The following ADAM12 variants were observed in gnomAD, a reference collection of about 807,000 sequenced individuals.
ADAM12 encodes ADAM metallopeptidase domain 12.
ADAM12 carries 70 observed loss-of-function variants against 106.4 expected under a neutral mutation model. That is an observed-to-expected ratio of 0.66 (90% CI 0.54 to 0.80). The LOEUF is 0.80. Ranked by LOEUF, ADAM12 falls within the 30% of genes least tolerant of loss-of-function variation. The pLI is 0.00. For synonymous variants in ADAM12, 420 were observed against 433.5 expected, an observed-to-expected ratio of 0.97 and a Z score of 0.39; for missense variants, 1,010 against 1,171.9, an observed-to-expected ratio of 0.86 and a Z score of 2.02.
At chr10:126,194,723 A>T (rs1309412778) in intron 3 of ADAM12, among the ~76,000 whole-genome samples, 1 of 152,272 alleles carries the variant, frequency 6.6e-6, no homozygotes, top group Middle Eastern at 3.2e-3. Flanking sequence ...AAAATTGCTC[A>T]TTCAGAGCTT....
chr10:126,092,568 T>C (rs1423895002), intron 11 of ADAM12, among the ~76,000 whole-genome samples: 1 of 152,236 alleles, frequency 6.6e-6, no homozygotes, highest in Admixed American at 6.5e-5. Context: ...TGTTAGTATC[T>C]TGAGTTTTGC....
At chr10:126,193,264 C>CAAAAAAAAAAAAA (rs757716875) in intron 3 of ADAM12, among the ~76,000 whole-genome samples, 3 of 26,608 alleles carry the variant, frequency 1.1e-4, no homozygotes, top group African/African-American at 1.7e-4. Flanking sequence ...GACTCCATCT[C>CAAAAAAAAAAAAA]AAAAAAAAAA....
At chr10:126,287,689 C>T (rs1185101655) in intron 2 of ADAM12, among the ~76,000 whole-genome samples, 1 of 151,970 alleles carries the variant, frequency 6.6e-6, no homozygotes, top group Non-Finnish European at 1.5e-5. Context: ...AAACATCTTC[C>T]CTGGGCCCTT....
intron 3 of ADAM12, among the ~76,000 whole-genome samples, chr10:126,214,545 A>C (rs1219459847): frequency 6.6e-6 from 1 of 152,228 alleles, no homozygotes; most frequent in Non-Finnish European, 1.5e-5. Context: ...GACTGGAAGC[A>C]GTGGCTGCCT....
chr10:126,086,680 A>AAATATATATATAT (rs1554966976), intron 11 of ADAM12, among the ~76,000 whole-genome samples: 4 of 24,278 alleles, frequency 1.6e-4, no homozygotes, highest in Non-Finnish European at 2.3e-4. Flanking sequence ...AAAAAAAAAA[A>AAATATATATATAT]ATATATATAT....
At chr10:126,177,042 GCACACACACACA>G (rs150341109) in intron 3 of ADAM12, among the ~76,000 whole-genome samples, 2 of 150,700 alleles carry the variant, frequency 1.3e-5, no homozygotes, top group Non-Finnish European at 3.0e-5. Flanking sequence ...GTGCACATGT[GCACACACACACA>G]CACGCACACA....
At chr10:126,292,941 C>T (rs934178414) in intron 2 of ADAM12, among the ~76,000 whole-genome samples, 4 of 152,168 alleles carry the variant, frequency 2.6e-5, no homozygotes, top group Non-Finnish European at 5.9e-5. Flanking sequence ...ATCATTGCGC[C>T]CACCTCAAGT....
At chr10:126,323,428 C>T (rs148370533) in intron 2 of ADAM12, among the ~76,000 whole-genome samples, 17 of 152,318 alleles carry the variant, frequency 1.1e-4, no homozygotes, top group African/African-American at 3.8e-4. Flanking sequence ...AGGTAGCATT[C>T]TATCAGCTAG....
At chr10:126,143,485 G>C (rs1956562586) in intron 4 of ADAM12, among the ~76,000 whole-genome samples, 1 of 151,334 alleles carries the variant, frequency 6.6e-6, no homozygotes, top group Admixed American at 6.6e-5. Flanking sequence ...TATATGGTGT[G>C]CATATATGTA....
At chr10:126,102,909 G>C (rs767701204) in intron 8 of ADAM12, among the ~76,000 whole-genome samples, 3 of 152,128 alleles carry the variant, frequency 2.0e-5, no homozygotes, top group Admixed American at 6.5e-5. Flanking sequence ...TATATACAAA[G>C]GTAACAGTGA....
At chr10:126,308,759 A>G (rs1326364930) in intron 2 of ADAM12, among the ~76,000 whole-genome samples, 1 of 152,212 alleles carries the variant, frequency 6.6e-6, no homozygotes, top group Non-Finnish European at 1.5e-5. Context: ...AAAACTGAAC[A>G]TCTCATCTCA....
At chr10:126,282,624 T>C (rs892942537) in intron 2 of ADAM12, among the ~76,000 whole-genome samples, 4 of 152,228 alleles carry the variant, frequency 2.6e-5, no homozygotes, top group South Asian at 2.1e-4. Flanking sequence ...GTTAGATTTA[T>C]ACATATGGTT....
chr10:126,149,440 G>C (rs1393875641), intron 4 of ADAM12, among the ~76,000 whole-genome samples: 3 of 152,182 alleles, frequency 2.0e-5, no homozygotes, highest in Non-Finnish European at 4.4e-5. Flanking sequence ...AAAGTACTGT[G>C]ATAGTAAATA....
Position 126,240,471 on chromosome 10 carries a change from G to A in ADAM12, c.260+38444C>T, listed in dbSNP as rs186484602. 1.3e-5 allele frequency among the ~76,000 whole-genome samples: 2 copies of A among 152,204 alleles called. 1 individual carries two copies. Among genetic ancestry groups the A allele is most frequent in the African/African-American group, 4.8e-5 (2 of 41,456 alleles). ...ACCTACATAAAACGAGTAAACACACGACAAGTGCAGAATCATAAATGAGGA... is the reference window on the plus strand; with the variant it reads ...ACCTACATAAAACGAGTAAACACACAACAAGTGCAGAATCATAAATGAGGA... On this transcript the variant is annotated intron_variant, in intron 3 of 22. Coordinates refer to ENST00000448723, the MANE Select transcript of ADAM12 (RefSeq NM_001288973.2).
chr10:126,231,608 A>G (rs1347205666), intron 3 of ADAM12, among the ~76,000 whole-genome samples: 1 of 152,094 alleles, frequency 6.6e-6, no homozygotes, highest in Non-Finnish European at 1.5e-5. Flanking sequence ...GATGTCACCA[A>G]GGTCACCCAT....
At chr10:126,341,256 C>T (rs1350256104) in intron 1 of ADAM12, among the ~76,000 whole-genome samples, 2 of 152,118 alleles carry the variant, frequency 1.3e-5, no homozygotes, top group Non-Finnish European at 2.9e-5. Flanking sequence ...TCTCTACCAC[C>T]CCTCAATCAA....
chr10:126,383,195 G>A (rs1350240971), intron 1 of ADAM12, among the ~76,000 whole-genome samples: 1 of 151,976 alleles, frequency 6.6e-6, no homozygotes, highest in Non-Finnish European at 1.5e-5. Context: ...GAACTCCTGG[G>A]CTCAAGCAAT....
chr10:126,122,273 C>T (rs1415319391), intron 5 of ADAM12, among the ~76,000 whole-genome samples: 2 of 152,182 alleles, frequency 1.3e-5, no homozygotes, highest in Admixed American at 1.3e-4. Flanking sequence ...TGCCTTCCCC[C>T]ACACTGGTGT....
At chr10:126,038,958 T>C (rs1011353096) in intron 19 of ADAM12, among the ~76,000 whole-genome samples, 2 of 124,934 alleles carry the variant, frequency 1.6e-5, no homozygotes, top group African/African-American at 2.9e-5. Flanking sequence ...ATTTCTTTTT[T>C]TTTTTTTTTT....
Sources: allele counts gnomAD v4.1 joint callset (sites outside exome capture counted in the v4.1 genomes callset), GRCh38; gene constraint gnomAD v4.1.1; transcripts MANE v1.5; gene names NCBI Gene and HGNC (gene_info 2026-07-23, HGNC 2026-07-21).